The following ERGIC2 variants were observed in gnomAD, a reference collection of about 807,000 sequenced individuals.
ERGIC2 encodes the protein endoplasmic reticulum-Golgi intermediate compartment protein 2.
A neutral mutation model predicts 52.5 loss-of-function variants in ERGIC2; 31 were observed. The ratio of observed to expected loss-of-function variants is 0.59; its 90% confidence interval spans 0.44 to 0.80. The LOEUF (loss-of-function observed/expected upper bound fraction) is 0.80, where lower values mean the gene tolerates loss of function less well. ERGIC2 is among the 30% of genes least tolerant of loss of function. The pLI is 0.00. For missense variants in ERGIC2, 395 were observed against 455.2 expected (o/e 0.87, Z 1.20); for synonymous variants, 129 against 140.6 (o/e 0.92, Z 0.58).
intron 2 of ERGIC2, among the ~76,000 whole-genome samples, chr12:29,370,627 A>C (rs1300788741): frequency 2.0e-5 from 3 of 151,948 alleles, no homozygotes; most frequent in Non-Finnish European, 4.4e-5. Context: ...AAATGCATCC[A>C]TGTCTATAAA....
At chr12:29,343,054 G>T in intron 12 of ERGIC2, 66 bp downstream of exon 12, 1 of 1,367,810 alleles carries the variant, frequency 7.3e-7, no homozygotes, top group Non-Finnish European at 9.9e-7. Flanking sequence ...TTGCCCCTTT[G>T]AGAAGAAGCA....
chr12:29,362,020 G>T (rs559297547), intron 5 of ERGIC2, among the ~76,000 whole-genome samples: 1 of 152,246 alleles, frequency 6.6e-6, no homozygotes, highest in South Asian at 2.1e-4. Flanking sequence ...AAATTCACAA[G>T]TATTAGGGTA....
chr12:29,376,207 T>C (rs1940512160), intron 1 of ERGIC2, among the ~76,000 whole-genome samples: 1 of 152,200 alleles, frequency 6.6e-6, no homozygotes, highest in Admixed American at 6.5e-5. Flanking sequence ...TCCTACTTTT[T>C]GATGAGGAAA....
chr12:29,341,773 G>T lies in ERGIC2; in HGVS notation c.1032C>A (p.Cys344Ter). 6.2e-7 allele frequency: 1 copy of T among 1,602,006 alleles called. No individual in the cohort carries two copies. The highest frequency in any genetic ancestry group is 8.6e-7 in the Non-Finnish European group (1 of 1,169,140). Reference sequence around the variant, plus strand: ...TATAGGATCCAAGTCTGAAACGACAGCAAATTATTTCAACTATAAATTTTC... The same window carrying T: ...TATAGGATCCAAGTCTGAAACGACATCAAATTATTTCAACTATAAATTTTC... Reference protein sequence around the residue: ...GIGKFIVEIICCRFRLGSYKP... With the variant: ...GIGKFIVEII The change falls in exon 13 of 14, where the codon TGC becomes TGA. Residue 344 changes from cysteine (C) to a stop codon, truncating the protein, a stop_gained. Coordinates refer to ENST00000360150, the MANE Select transcript of ERGIC2 (RefSeq NM_016570.3). LOFTEE classifies it high-confidence loss of function.
intron 6 of ERGIC2, among the ~76,000 whole-genome samples, chr12:29,359,622 A>G (rs1940255953): frequency 1.3e-5 from 2 of 152,110 alleles, no homozygotes; most frequent in African/African-American, 4.8e-5. Context: ...AAAGTAAAGT[A>G]TTTCATCTGT....
intron 6 of ERGIC2, among the ~76,000 whole-genome samples, chr12:29,357,930 G>A (rs1286807682): frequency 1.3e-5 from 2 of 152,176 alleles, no homozygotes; most frequent in East Asian, 3.8e-4. Flanking sequence ...TAATAGCTGA[G>A]CTCCATAAGC....
rs1949803328 is a variant in ERGIC2, at chr12:29,337,371, T to C, written c.*3785A>G. ...AAAAAGTTTCATAATTTGTCATTTA[T>C]TGAGTCCAAATGTTTATGCTTGCAA... On this transcript the variant is annotated 3_prime_UTR_variant, in exon 14 of 14. Coordinates refer to ENST00000360150, the MANE Select transcript of ERGIC2 (RefSeq NM_016570.3). 2 of 151,894 alleles carry C rather than the reference T, an allele frequency of 1.3e-5. No homozygotes were observed. Among genetic ancestry groups the C allele is most frequent in the African/African-American group, 4.9e-5 (2 of 41,224 alleles). The allele number at this position is 151,894 out of a possible 1,614,324, so 9.4% of individuals were successfully genotyped here. A position where few individuals can be genotyped will look rare whatever the true frequency, so the allele number is the denominator to read the frequency against.
intron 8 of ERGIC2, among the ~76,000 whole-genome samples, chr12:29,353,629 A>G (rs1940163082): frequency 1.3e-5 from 2 of 151,998 alleles, no homozygotes; most frequent in African/African-American, 4.8e-5. Context: ...ATTTTCAGAT[A>G]AGGGATGCTC....
At chr12:29,349,207 C>T in intron 9 of ERGIC2, 30 bp from the exon 10 acceptor site, 1 of 1,098,402 alleles carries the variant, frequency 9.1e-7, no homozygotes, top group Non-Finnish European at 1.3e-6. Flanking sequence ...AACAACTTAG[C>T]AGAGAAATTA....
chr12:29,354,698 T>C (rs1940178299), intron 8 of ERGIC2, among the ~76,000 whole-genome samples: 1 of 152,158 alleles, frequency 6.6e-6, no homozygotes, highest in Admixed American at 6.5e-5. Flanking sequence ...GCCTCTCTGA[T>C]AGTGTGAGTT....
At position 29,365,484 on chromosome 12, in the gene ERGIC2, T is replaced by C. The variant is rs567202202; in HGVS notation, c.333+1393A>G. On this transcript the variant is annotated intron_variant, in intron 5 of 13. Coordinates refer to ENST00000360150, the MANE Select transcript of ERGIC2 (RefSeq NM_016570.3). ...GGGGAGGGAGGGAGAAGGAAAAGGA[T>C]TGAAAAACTACTAGTTATTATGCCC... 8.6e-5 allele frequency among the ~76,000 whole-genome samples: 13 copies of C among 151,700 alleles called. No individual in the cohort carries two copies. The South Asian group carries it at 1.0e-3, about 12-fold the overall frequency.
intron 8 of ERGIC2, among the ~76,000 whole-genome samples, chr12:29,353,137 C>T (rs1454185314): frequency 6.6e-6 from 1 of 152,128 alleles, no homozygotes; most frequent in Non-Finnish European, 1.5e-5. Context: ...AAAGGCAATA[C>T]AATGATTAGG....
At chr12:29,377,486 G>A (rs1940530351) in intron 1 of ERGIC2, among the ~76,000 whole-genome samples, 1 of 152,164 alleles carries the variant, frequency 6.6e-6, no homozygotes, top group African/African-American at 2.4e-5. Flanking sequence ...TAATGTAAAT[G>A]CTATGTAAAT....
chr12:29,374,866 T>C (rs1323772185), intron 1 of ERGIC2, among the ~76,000 whole-genome samples: 3 of 152,266 alleles, frequency 2.0e-5, no homozygotes, highest in Middle Eastern at 6.8e-3. Context: ...TATACTGTAA[T>C]AATAAATTAT....
Position 29,350,041 on chromosome 12 carries a change from T to C in ERGIC2, c.600A>G (p.Ala200=). The change falls in exon 9 of 14, where the codon GCA becomes GCG. Residue 200 remains alanine, a synonymous_variant. Coordinates refer to ENST00000360150, the MANE Select transcript of ERGIC2 (RefSeq NM_016570.3). ...GKAIPHPRGH[A]HLAALVNHES... ...CATGGTTGACAAGTGCTGCCAAATG[T>C]GCATGACCACGAGGATGTGGAATTG... 1 of 1,608,286 alleles carries C rather than the reference T, an allele frequency of 6.2e-7. No homozygotes were observed. The highest frequency in any genetic ancestry group is 8.5e-7 in the Non-Finnish European group (1 of 1,175,542).
chr12:29,376,491 A>C (rs140124664), intron 1 of ERGIC2, among the ~76,000 whole-genome samples: 1 of 152,316 alleles, frequency 6.6e-6, no homozygotes, highest in African/African-American at 2.4e-5. Flanking sequence ...TTTACCATGT[A>C]AGCTTAACAG....
In ERGIC2 at chr12:29,340,762, A is replaced by C; in HGVS notation, c.*394T>G. ...TGACATCATATCTTTTAAAAACAAA[A>C]GGATGCGAACATTTGCACTTCTCAA... On this transcript the variant is annotated 3_prime_UTR_variant, in exon 14 of 14. Coordinates refer to ENST00000360150, the MANE Select transcript of ERGIC2 (RefSeq NM_016570.3). The C allele has an allele frequency of 2.5e-6, 1 of 408,000 alleles. No homozygotes were observed. Among genetic ancestry groups the C allele is most frequent in the Non-Finnish European group, 4.7e-6 (1 of 213,722 alleles). 25.3% of individuals were successfully genotyped at this position (408,000 alleles called of 1,614,324 possible). A position where few individuals can be genotyped will look rare whatever the true frequency, so the allele number is the denominator to read the frequency against.
intron 8 of ERGIC2, among the ~76,000 whole-genome samples, chr12:29,354,789 A>G (rs953890706): frequency 6.6e-6 from 1 of 152,162 alleles, no homozygotes; most frequent in Non-Finnish European, 1.5e-5. Context: ...TCTGATTATA[A>G]TATTTGTCAA....
chr12:29,351,365 G>T (rs1405896802), intron 8 of ERGIC2, among the ~76,000 whole-genome samples: 2 of 152,124 alleles, frequency 1.3e-5, no homozygotes, highest in African/African-American at 4.8e-5. Flanking sequence ...ACATATACCA[G>T]ATTCCACTTT....
Sources: allele counts gnomAD v4.1 joint callset (sites outside exome capture counted in the v4.1 genomes callset), GRCh38; gene constraint gnomAD v4.1.1; transcripts MANE v1.5; gene names NCBI Gene and HGNC (gene_info 2026-07-23, HGNC 2026-07-21).